Variants in GRID1 observed in about 807,000 individuals in gnomAD.
GRID1 encodes glutamate ionotropic receptor delta type subunit 1, also known as glutamate receptor ionotropic, delta-1.
A neutral mutation model predicts 98.0 loss-of-function variants in GRID1; 28 were observed. The observed-to-expected ratio is 0.29, with a 90% CI of 0.21 to 0.39. The LOEUF (loss-of-function observed/expected upper bound fraction) is 0.39. Ranked by LOEUF, GRID1 falls within the 10% of genes least tolerant of loss-of-function variation. GRID1 has a pLI of 1.00. For missense variants in GRID1, 1,111 were observed against 1,340.5 expected (o/e 0.83, Z 2.67); for synonymous variants, 553 against 538.5 (o/e 1.03, Z -0.37).
chr10:85,852,311 T>C (rs1011755149), intron 8 of GRID1, among the ~76,000 whole-genome samples: 1 of 152,192 alleles, frequency 6.6e-6, no homozygotes, highest in Non-Finnish European at 1.5e-5. Context: ...CAAAGCTTCT[T>C]ATATTGAGAG....
intron 8 of GRID1, among the ~76,000 whole-genome samples, chr10:85,756,759 A>C (rs1408430978): frequency 6.6e-6 from 1 of 152,220 alleles, no homozygotes; most frequent in Non-Finnish European, 1.5e-5. Flanking sequence ...AAATAAGGGA[A>C]TACTACTGTA....
At chr10:85,661,744 A>G in intron 12 of GRID1, among the ~76,000 whole-genome samples, 1 of 152,246 alleles carries the variant, frequency 6.6e-6, no homozygotes, top group South Asian at 2.1e-4. Flanking sequence ...ATGTCCCCAC[A>G]GTGCCTCGGG....
At chr10:85,855,648 CAT>C (rs1843102407) in intron 7 of GRID1, among the ~76,000 whole-genome samples, 1 of 152,210 alleles carries the variant, frequency 6.6e-6, no homozygotes, top group Non-Finnish European at 1.5e-5. Context: ...CTCCTCAGCA[CAT>C]GAGATACATC....
intron 4 of GRID1, among the ~76,000 whole-genome samples, chr10:86,108,092 A>T (rs1244402044): frequency 6.6e-6 from 1 of 152,132 alleles, no homozygotes; most frequent in African/African-American, 2.4e-5. Flanking sequence ...ACCCTGTAAC[A>T]CATGCCCACT....
intron 5 of GRID1, among the ~76,000 whole-genome samples, chr10:85,879,225 C>T (rs1357143439): frequency 3.2e-4 from 49 of 151,984 alleles, no homozygotes; most frequent in Admixed American, 2.2e-3. Flanking sequence ...GACAGAAAGT[C>T]AACAAGGATA....
chr10:86,030,796 A>G lies in GRID1; in HGVS notation c.726+108023T>C, dbSNP rs536895636. On this transcript the variant is annotated intron_variant, in intron 4 of 15. Coordinates refer to ENST00000327946, the MANE Select transcript of GRID1 (RefSeq NM_017551.3). ...AGGCAGCTCCAAATCATTTTCTAACAAAGAGCAGCCTGTAAAGTCAGGCTG... is the reference window on the plus strand; with the variant it reads ...AGGCAGCTCCAAATCATTTTCTAACGAAGAGCAGCCTGTAAAGTCAGGCTG... Among the ~76,000 whole-genome samples, 5 of 152,340 alleles carry G rather than the reference A, an allele frequency of 3.3e-5. No homozygotes were observed. The East Asian group carries it at 7.7e-4, about 24-fold the overall frequency.
chr10:85,822,225 C>G (rs367679899), intron 8 of GRID1, among the ~76,000 whole-genome samples: 114 of 151,410 alleles, frequency 7.5e-4, no homozygotes, highest in African/African-American at 2.3e-3. Flanking sequence ...CACAGCAAAA[C>G]AAACTACCAT....
At chr10:85,704,903 G>T (rs576506506) in intron 12 of GRID1, among the ~76,000 whole-genome samples, 4 of 152,174 alleles carry the variant, frequency 2.6e-5, no homozygotes, top group Non-Finnish European at 4.4e-5. Flanking sequence ...CAGAAATAAA[G>T]ATGTTCTTTG....
At chr10:85,612,787 G>C (rs909864862) in intron 15 of GRID1, among the ~76,000 whole-genome samples, 6 of 151,982 alleles carry the variant, frequency 3.9e-5, no homozygotes, top group African/African-American at 7.2e-5. Context: ...CAGTAAGAAG[G>C]AAGTGTGGAG....
intron 4 of GRID1, among the ~76,000 whole-genome samples, chr10:86,015,119 A>G (rs539899506): frequency 6.6e-6 from 1 of 152,238 alleles, no homozygotes; most frequent in African/African-American, 2.4e-5. Context: ...CCATATACCT[A>G]TTCATCCTGT....
chr10:85,641,779 G>A (rs1482797772), intron 13 of GRID1, among the ~76,000 whole-genome samples: 1 of 152,238 alleles, frequency 6.6e-6, no homozygotes, highest in East Asian at 1.9e-4. Context: ...CAGACCAGCA[G>A]TAAAGCTGGG....
intron 3 of GRID1, among the ~76,000 whole-genome samples, chr10:86,175,713 ATT>A (rs113330156): frequency 6.9e-6 from 1 of 145,922 alleles, no homozygotes; most frequent in Admixed American, 6.8e-5. Flanking sequence ...ATGAGTCACT[ATT>A]TTTTTTTTTT....
intron 3 of GRID1, among the ~76,000 whole-genome samples, chr10:86,194,065 T>G (rs1845841071): frequency 6.6e-6 from 1 of 152,088 alleles, no homozygotes; most frequent in Non-Finnish European, 1.5e-5. Flanking sequence ...CAGAACAAGG[T>G]CTGTTCTCCT....
chr10:86,032,455 G>T (rs1843200451), intron 4 of GRID1, among the ~76,000 whole-genome samples: 1 of 152,138 alleles, frequency 6.6e-6, no homozygotes, highest in Non-Finnish European at 1.5e-5. Flanking sequence ...AGTAGACATG[G>T]GAGACTCCAT....
chr10:85,813,150 C>T (rs1389687051), intron 8 of GRID1, among the ~76,000 whole-genome samples: 1 of 151,580 alleles, frequency 6.6e-6, no homozygotes, highest in Non-Finnish European at 1.5e-5. Context: ...AAGAGAAAAA[C>T]ATTTTCATGC....
At position 85,729,610 on chromosome 10, in the gene GRID1, G is replaced by A. The variant is rs1158874604; in HGVS notation, c.1238C>T (p.Ala413Val). The A allele has an allele frequency of 8.1e-6, 13 of 1,605,832 alleles. No homozygotes were observed. Among genetic ancestry groups the A allele is most frequent in the Non-Finnish European group, 1.0e-5 (12 of 1,172,968 alleles). The change falls in exon 9 of 16, where the codon GCG becomes GTG. Residue 413 changes from alanine (A) to valine (V), a missense_variant. Physicochemically the swap from Ala to Val is moderately conservative, Grantham distance 64 (BLOSUM62 0). Around this residue, in one of 3 missense-constraint regions of GRID1, gnomAD observed 762 missense variants for 869.1 expected, o/e 0.88. Coordinates refer to ENST00000327946, the MANE Select transcript of GRID1 (RefSeq NM_017551.3). ...CAAGCCCTTCTCTGAGTCCCATGTC[G>A]CCAACTGTGAAGGAAAAATAAAGAT... ...ETFGKDMRKL[A>V]TWDSEKGLNG...
At chr10:86,299,055 A>C (rs1014153988) in intron 2 of GRID1, among the ~76,000 whole-genome samples, 2 of 152,084 alleles carry the variant, frequency 1.3e-5, no homozygotes, top group Non-Finnish European at 2.9e-5. Flanking sequence ...ACCCGGCCCT[A>C]TAAGGGGAGC....
chr10:85,986,861 T>G (rs1334529031), intron 4 of GRID1, among the ~76,000 whole-genome samples: 2 of 152,174 alleles, frequency 1.3e-5, no homozygotes, highest in Non-Finnish European at 2.9e-5. Flanking sequence ...TGGAGTGTTA[T>G]AAAGAACCAG....
At chr10:85,784,730 T>C (rs1266844330) in intron 8 of GRID1, among the ~76,000 whole-genome samples, 2 of 152,176 alleles carry the variant, frequency 1.3e-5, no homozygotes, top group African/African-American at 4.8e-5. Flanking sequence ...GGCTTTTGAA[T>C]GGATCTAGAG....
Sources: allele counts gnomAD v4.1 joint callset (sites outside exome capture counted in the v4.1 genomes callset), GRCh38; gene constraint gnomAD v4.1.1; regional missense constraint gnomAD v4.1.1; transcripts MANE v1.5; gene names NCBI Gene and HGNC (gene_info 2026-07-23, HGNC 2026-07-21).